The following ASXL3 variants were observed in gnomAD, a reference collection of about 807,000 sequenced individuals.
ASXL3 encodes putative Polycomb group protein ASXL3.
In ASXL3, 34 loss-of-function variants were observed where a neutral mutation model predicts 170.6. The ratio of observed to expected loss-of-function variants is 0.20; its 90% CI spans 0.15 to 0.27. ASXL3 has a LOEUF of 0.27. ASXL3 is among the 10% of genes least tolerant of loss of function. The pLI is 1.00. For missense variants in ASXL3, 2,592 were observed against 2,695.3 expected (o/e 0.96, Z 0.85); for synonymous variants, 1,002 against 989.1 (o/e 1.01, Z -0.24).
In ASXL3 at chr18:33,723,720, A is replaced by G. The variant is rs991689911; in HGVS notation, c.880-8248A>G. Among the ~76,000 whole-genome samples, 12 of 152,308 alleles carry G rather than the reference A, an allele frequency of 7.9e-5. No individual in the cohort carries two copies. In the East Asian group the frequency reaches 9.6e-4, roughly 12 times the overall value. ...CTCCAATTTTGAAAGACGTTCTGCT[A>G]TGGGCAAAATGCTATCAAACAGCAT... is the stretch of plus-strand genomic sequence containing the variant. On this transcript the variant is annotated intron_variant, in intron 8 of 11. Coordinates refer to ENST00000269197, the MANE Select transcript of ASXL3 (RefSeq NM_030632.3).
intron 8 of ASXL3, among the ~76,000 whole-genome samples, chr18:33,713,042 C>T (rs1221616431): frequency 2.0e-5 from 3 of 151,952 alleles, no homozygotes; most frequent in Non-Finnish European, 2.9e-5. Flanking sequence ...TTACATACAT[C>T]ACACGTGCTC....
intron 8 of ASXL3, among the ~76,000 whole-genome samples, chr18:33,698,603 T>C (rs2066814271): frequency 6.6e-6 from 1 of 152,084 alleles, no homozygotes; most frequent in African/African-American, 2.4e-5. Flanking sequence ...ATAGAATAGA[T>C]TTAGAAGAGG....
chr18:33,667,317 C>G (rs2066274064), intron 5 of ASXL3, among the ~76,000 whole-genome samples: 1 of 152,144 alleles, frequency 6.6e-6, no homozygotes, highest in African/African-American at 2.4e-5. Context: ...TCAGGAAACC[C>G]TTTCCCAGTG....
At chr18:33,737,532 A>C (rs920565387) in intron 10 of ASXL3, among the ~76,000 whole-genome samples, 1 of 152,170 alleles carries the variant, frequency 6.6e-6, no homozygotes, top group Non-Finnish European at 1.5e-5. Flanking sequence ...AACTCTGATT[A>C]GATTTGCCTT....
At chr18:33,589,027 A>G (rs1319138438) in intron 1 of ASXL3, among the ~76,000 whole-genome samples, 3 of 152,120 alleles carry the variant, frequency 2.0e-5, no homozygotes, top group East Asian at 3.9e-4. Flanking sequence ...ATAGTTATAC[A>G]TCCATTTCCA....
intron 2 of ASXL3, chr18:33,627,043 T>C (rs999997920): frequency 3.3e-5 from 5 of 152,616 alleles, no homozygotes; most frequent in Non-Finnish European, 2.9e-5. Context: ...TGGGATTGCA[T>C]TGGAGTGGTT....
chr18:33,672,808 A>T (rs529755605), intron 7 of ASXL3, among the ~76,000 whole-genome samples: 3 of 152,150 alleles, frequency 2.0e-5, no homozygotes, highest in Non-Finnish European at 2.9e-5. Context: ...AAGTTTTGTC[A>T]GTTGCTACTA....
chr18:33,709,794 G>T (rs771204253), intron 8 of ASXL3, among the ~76,000 whole-genome samples: 7 of 152,166 alleles, frequency 4.6e-5, no homozygotes, highest in Non-Finnish European at 8.8e-5. Context: ...TAAAGAAAAT[G>T]ACTATTCTTC....
intron 4 of ASXL3, among the ~76,000 whole-genome samples, chr18:33,648,311 A>G (rs1286339323): frequency 6.6e-6 from 1 of 152,064 alleles, no homozygotes; most frequent in East Asian, 1.9e-4. Context: ...CTAGCAGTGG[A>G]TGGGATGAAA....
intron 4 of ASXL3, among the ~76,000 whole-genome samples, chr18:33,646,812 C>G (rs1273903342): frequency 8.4e-6 from 1 of 119,614 alleles, no homozygotes; most frequent in Admixed American, 1.2e-4. Flanking sequence ...AAAAGAGGGC[C>G]AAATAAGATA....
intron 6 of ASXL3, 28 bp downstream of exon 6, chr18:33,670,818 G>T: frequency 7.0e-7 from 1 of 1,424,618 alleles, no homozygotes; most frequent in South Asian, 1.4e-5. Flanking sequence ...CATATGCTTG[G>T]CCAGTTTCTT....
intron 2 of ASXL3, among the ~76,000 whole-genome samples, chr18:33,627,507 T>C (rs1258530355): frequency 1.3e-5 from 2 of 152,198 alleles, no homozygotes; most frequent in African/African-American, 2.4e-5. Context: ...AGAGCCTTTT[T>C]CCCTGTGAAC....
chr18:33,693,280 A>G (rs2066715796), intron 8 of ASXL3, among the ~76,000 whole-genome samples: 1 of 152,174 alleles, frequency 6.6e-6, no homozygotes, highest in Non-Finnish European at 1.5e-5. Flanking sequence ...AGACTTAAAC[A>G]TACTTTTGGC....
intron 4 of ASXL3, among the ~76,000 whole-genome samples, chr18:33,655,701 A>G (rs1279884599): frequency 6.6e-6 from 1 of 152,076 alleles, no homozygotes; most frequent in Non-Finnish European, 1.5e-5. Flanking sequence ...AAGTCTTTTT[A>G]ACAATTTGTA....
chr18:33,700,799 T>C (rs1052143268), intron 8 of ASXL3, among the ~76,000 whole-genome samples: 1 of 152,016 alleles, frequency 6.6e-6, no homozygotes, highest in African/African-American at 2.4e-5. Context: ...AGGGCAAGAA[T>C]CTTGTTGACA....
chr18:33,606,763 G>A (rs1006553544), intron 1 of ASXL3, among the ~76,000 whole-genome samples: 1 of 151,898 alleles, frequency 6.6e-6, no homozygotes, highest in Non-Finnish European at 1.5e-5. Context: ...CTTGTACCCA[G>A]ATGTGGTCCC....
chr18:33,729,608 T>C (rs2067409788), intron 8 of ASXL3, among the ~76,000 whole-genome samples: 1 of 152,104 alleles, frequency 6.6e-6, no homozygotes, highest in Non-Finnish European at 1.5e-5. Context: ...GGTCATAATA[T>C]TAATGTATTG....
At chr18:33,721,878 G>A (rs896431193) in intron 8 of ASXL3, among the ~76,000 whole-genome samples, 4 of 151,854 alleles carry the variant, frequency 2.6e-5, no homozygotes, top group African/African-American at 9.7e-5. Context: ...AACAGCATGT[G>A]TTCATTGTGT....
chr18:33,715,616 A>G (rs2145360103), intron 8 of ASXL3, among the ~76,000 whole-genome samples: 1 of 152,290 alleles, frequency 6.6e-6, no homozygotes, highest in East Asian at 1.9e-4. Context: ...TATTTGTGTG[A>G]CTAATATTTT....
Sources: allele counts gnomAD v4.1 joint callset (sites outside exome capture counted in the v4.1 genomes callset), GRCh38; gene constraint gnomAD v4.1.1; transcripts MANE v1.5; gene names NCBI Gene and HGNC (gene_info 2026-07-23, HGNC 2026-07-21).